USP42: variants seen among roughly 807,000 people sequenced by gnomAD.
USP42 encodes the protein ubiquitin carboxyl-terminal hydrolase 42.
A neutral mutation model predicts 113.0 loss-of-function variants in USP42; 23 were observed. The observed-to-expected ratio is 0.20, with a 90% confidence interval of 0.15 to 0.29. USP42 has a LOEUF of 0.29. USP42 is among the 10% of genes least tolerant of loss of function. The pLI is 1.00. For missense variants in USP42, 2,174 were observed against 1,779.8 expected, an observed-to-expected ratio of 1.22 and a Z score of -3.99; for synonymous variants, 933 against 699.0, an observed-to-expected ratio of 1.33 and a Z score of -5.28.
chr7:6,139,701 C>G lies in USP42; in HGVS notation c.657-427C>G, dbSNP rs927867194. The G allele has an allele frequency of 2.1e-5, 5 of 239,436 alleles. No homozygotes were observed. The highest frequency in any genetic ancestry group is 2.4e-5 in the Non-Finnish European group (3 of 122,532). 14.8% of individuals were successfully genotyped at this position (239,436 alleles called of 1,614,324 possible). On this transcript the variant is annotated intron_variant, in intron 5 of 17. Transcript: ENST00000306177. The surrounding 1 kb of genome is among the most constrained non-coding windows in gnomAD (Gnocchi z 4.5). ...TGTCTGAGACACCTGGTAGATCTCC[C>G]TCTGCATTCTCCCTGCCCTGGCACC...
At position 6,147,722 on chromosome 7, in the gene USP42, G is replaced by A. The variant is rs374935996; in HGVS notation, c.1233-17G>A. 3.5e-5 allele frequency: 54 copies of A among 1,561,352 alleles called. No individual in the cohort carries two copies. The highest frequency in any genetic ancestry group is 2.7e-4 in the East Asian group (12 of 43,642). ...GGTGTCCTGTGTCACCCTAAGTATC[G>A]CTCTCCTTGTTTCCAGGTCCCATGA... On this transcript the variant is annotated splice_polypyrimidine_tract_variant and intron_variant, in intron 11 of 17. Transcript: ENST00000306177.
intron 14 of USP42, chr7:6,152,978 A>T (rs1782159836): frequency 1.0e-6 from 1 of 985,284 alleles, no homozygotes; most frequent in African/African-American, 1.7e-5. Context: ...AGGAAGAACT[A>T]GAGGAATTGC....
At position 6,144,183 on chromosome 7, in the gene USP42, GA is replaced by G; in HGVS notation, c.982del (p.Ile328LeufsTer5). 2 of 1,588,508 alleles carry G rather than the reference GA, an allele frequency of 1.3e-6. No homozygotes were observed. Among genetic ancestry groups the G allele is most frequent in the Admixed American group, 1.8e-5 (1 of 54,870 alleles). The stretch of plus-strand genomic sequence containing the variant: ...AAACGTTTTGCAAATTTTACCGGTG[GA>G]AAAATTGCTAAGGTATGTGGATGAT... ...SLKRFANFTG[G>X]KIAKDVKYPE... On this transcript the variant is annotated frameshift_variant, in exon 9 of 18. Transcript: ENST00000306177. LOFTEE classifies it high-confidence loss of function.
chr7:6,154,905 C>T lies in USP42; in HGVS notation c.3351C>T (p.Pro1117=), dbSNP rs756518825. 1 of 1,545,638 alleles carries T rather than the reference C, an allele frequency of 6.5e-7. No homozygotes were observed. Among genetic ancestry groups the T allele is most frequent in the Non-Finnish European group, 8.7e-7 (1 of 1,144,198 alleles). Residue 1117 remains proline (P), a synonymous_variant, in exon 15 of 18, where the codon CCC becomes CCT. Coordinates refer to ENST00000306177, the MANE Select transcript of USP42 (RefSeq NM_032172.3). ...RERERHRPSS[P]RAGAPHALAP... is the part of the protein sequence containing the mutation. ...GGGAGCGGCACCGCCCCAGCAGCCCCCGCGCAGGCGCGCCCCACGCCCTCG... is the reference window on the plus strand; with the variant it reads ...GGGAGCGGCACCGCCCCAGCAGCCCTCGCGCAGGCGCGCCCCACGCCCTCG...
intron 12 of USP42, among the ~76,000 whole-genome samples, chr7:6,148,915 GCTTTTC>G (rs2128514121): frequency 6.6e-6 from 1 of 152,332 alleles, no homozygotes; most frequent in East Asian, 1.9e-4. Context: ...GGTTGGCATT[GCTTTTC>G]CAAAGCCTGT....
In USP42 at chr7:6,139,640, G is replaced by A. The variant is rs756442609; in HGVS notation, c.656+446G>A. ...TAAATGCAGACTCAAGAGGAAGAACGAGGGGACAGATAATGCATCCCAAGC... is the reference window on the plus strand; with the variant it reads ...TAAATGCAGACTCAAGAGGAAGAACAAGGGGACAGATAATGCATCCCAAGC... On this transcript the variant is annotated intron_variant, in intron 5 of 17. Coordinates refer to ENST00000306177, the MANE Select transcript of USP42 (RefSeq NM_032172.3). The surrounding 1 kb of genome is among the most constrained non-coding windows in gnomAD (Gnocchi z 4.5). The A allele has an allele frequency of 2.0e-5, 4 of 202,222 alleles. No individual in the cohort carries two copies. The highest frequency in any genetic ancestry group is 4.0e-5 in the Non-Finnish European group (4 of 100,042). The allele number at this position is 202,222 out of a possible 1,614,324, so 12.5% of individuals were successfully genotyped here.
At chr7:6,138,038 G>A (rs1037428370) in intron 4 of USP42, among the ~76,000 whole-genome samples, 12 of 152,036 alleles carry the variant, frequency 7.9e-5, no homozygotes, top group African/African-American at 2.9e-4. Context: ...TTTAAACCTA[G>A]TCTTTTAAGA....
At chr7:6,146,340 A>AAC in intron 11 of USP42, 92 bp downstream of exon 11, 2 of 802,622 alleles carry the variant, frequency 2.5e-6, no homozygotes, top group East Asian at 5.8e-5. Context: ...AGTGTTTTAA[A>AAC]AAAAAAAAAA....
rs1046892 is a variant in USP42, at chr7:6,155,151, G to A, written c.3597G>A (p.Lys1199=). 1 of 1,546,188 alleles carries A rather than the reference G, an allele frequency of 6.5e-7. No individual in the cohort carries two copies. ...EPKAKKHKKS[K]KKKKSKDKHR... ...AAGCAAAGAAGCACAAAAAATCAAA[G>A]AAGAAAAAGAAATCCAAAGACAAAC... The change falls in exon 15 of 18, where the codon AAG becomes AAA. Residue 1199 remains lysine, a synonymous_variant. Transcript: ENST00000306177.
intron 1 of USP42, among the ~76,000 whole-genome samples, chr7:6,105,601 A>C: frequency 6.6e-6 from 1 of 152,178 alleles, no homozygotes; most frequent in South Asian, 2.1e-4. Flanking sequence ...CCCCAGGCCT[A>C]GCCACCTGGC....
intron 3 of USP42, chr7:6,116,602 A>G (rs1779923969): frequency 2.8e-6 from 1 of 354,384 alleles, no homozygotes; most frequent in Non-Finnish European, 5.3e-6. Flanking sequence ...TTAATGGAGA[A>G]TTTAAATTGG....
the USP42 span, among the ~76,000 whole-genome samples, chr7:6,099,746 T>C: frequency 6.6e-6 from 1 of 150,656 alleles, no homozygotes; most frequent in Admixed American, 6.6e-5. Flanking sequence ...GGAGATCATT[T>C]GAGGTCAGGA....
At position 6,154,457 on chromosome 7, in the gene USP42, A is replaced by G. The variant is rs991849943; in HGVS notation, c.2903A>G (p.Glu968Gly). 6.4e-7 allele frequency: 1 copy of G among 1,564,026 alleles called. No individual in the cohort carries two copies. Among genetic ancestry groups the G allele is most frequent in the Non-Finnish European group, 8.7e-7 (1 of 1,155,674 alleles). The change falls in exon 15 of 18, where the codon GAG (glutamate) becomes GGG (glycine). Residue 968 changes from glutamate (E) to glycine (G), a missense_variant. Coordinates refer to ENST00000306177, the MANE Select transcript of USP42 (RefSeq NM_032172.3). ...ERSSSGEPAR[E>G]SRSKTEGHRH... is the part of the protein sequence containing the mutation. ...TCGTCCAGCGGGGAGCCCGCCAGAG[A>G]GAGCAGGAGCAAGACTGAGGGCCAC...
intron 3 of USP42, among the ~76,000 whole-genome samples, chr7:6,130,314 C>T (rs1380255465): frequency 1.3e-5 from 2 of 152,226 alleles, no homozygotes; most frequent in Non-Finnish European, 2.9e-5. Flanking sequence ...AATTGGGGAT[C>T]GTTGTCCCTG....
chr7:6,105,522 C>G (rs1463659701), intron 1 of USP42, among the ~76,000 whole-genome samples: 1 of 150,066 alleles, frequency 6.7e-6, no homozygotes, highest in Non-Finnish European at 1.5e-5. Context: ...CCTCAGAGCC[C>G]CGGGCCGGCC....
chr7:6,108,795 A>T (rs576214515), intron 1 of USP42, among the ~76,000 whole-genome samples: 1 of 152,304 alleles, frequency 6.6e-6, no homozygotes, highest in African/African-American at 2.4e-5. Flanking sequence ...TTAAAAAAAA[A>T]ATTTTTTAAG....
chr7:6,143,946 A>G, intron 8 of USP42, 139 bp from the exon 9 acceptor site: 1 of 502,102 alleles, frequency 2.0e-6, no homozygotes. Context: ...CTGTTGGTTG[A>G]AGGCTGGTGG....
chr7:6,144,661 G>A (rs1781607738), intron 9 of USP42, among the ~76,000 whole-genome samples: 1 of 152,132 alleles, frequency 6.6e-6, no homozygotes, highest in Admixed American at 6.5e-5. Context: ...CTTCAAGCCG[G>A]GAGTTTGAGA....
At chr7:6,129,663 C>A (rs1780737933) in intron 3 of USP42, among the ~76,000 whole-genome samples, 1 of 151,398 alleles carries the variant, frequency 6.6e-6, no homozygotes, top group African/African-American at 2.4e-5. Flanking sequence ...GGATTCAAGA[C>A]CAGCCTGGCC....
Sources: allele counts gnomAD v4.1 joint callset (sites outside exome capture counted in the v4.1 genomes callset), GRCh38; gene constraint gnomAD v4.1.1; non-coding constraint Gnocchi (gnomAD v3.1); transcripts MANE v1.5; gene names NCBI Gene and HGNC (gene_info 2026-07-23, HGNC 2026-07-21).